Variants in EML5 observed in about 807,000 individuals in gnomAD.
The protein encoded by EML5 is EMAP like 5, also known as echinoderm microtubule-associated protein-like 5.
In EML5, 120 loss-of-function variants were observed where a neutral mutation model predicts 250.0. The ratio of observed to expected loss-of-function variants is 0.48; its 90% CI spans 0.41 to 0.56. The LOEUF is 0.56. Among genes scored for constraint, EML5 ranks in the 20% least tolerant of loss-of-function variants. The probability of loss-of-function intolerance (pLI) is 0.00; values close to 1 mark genes in which losing one functional copy is unlikely to be tolerated. For synonymous variants in EML5, 771 were observed against 806.5 expected (o/e 0.96, Z 0.75); for missense variants, 2,006 against 2,437.6 (o/e 0.82, Z 3.73).
Position 88,660,282 on chromosome 14 carries a change from T to TAA in EML5, c.3675+1370_3675+1371dup, listed in dbSNP as rs35634830. On this transcript the variant is annotated intron_variant, in intron 25 of 43. Coordinates refer to ENST00000554922, the MANE Select transcript of EML5 (RefSeq NM_183387.3). Reference sequence around the variant, plus strand: ...TGGGTCACAGAGAGAGACGCTGTCTTAAAAAAAAAAAAAAAAGAAAGGAAT... The same window carrying TAA: ...TGGGTCACAGAGAGAGACGCTGTCTTAAAAAAAAAAAAAAAAAAGAAAGGAAT... 9.0e-3 allele frequency among the ~76,000 whole-genome samples: 1,204 copies of TAA among 133,874 alleles called. 18 individuals carry two copies. The highest frequency in any genetic ancestry group is 0.03 in the African/African-American group (1,094 of 36,198). The allele number at this position is 133,874 out of a possible 152,430, so 87.8% of individuals were successfully genotyped here.
chr14:88,630,664 G>C (rs765067872), intron 33 of EML5, among the ~76,000 whole-genome samples: 2 of 152,124 alleles, frequency 1.3e-5, no homozygotes, highest in African/African-American at 2.4e-5. Context: ...TTCTCAGTTC[G>C]CAGTTTGCTT....
At chr14:88,736,855 A>G (rs1005636454) in intron 6 of EML5, among the ~76,000 whole-genome samples, 1 of 151,716 alleles carries the variant, frequency 6.6e-6, no homozygotes, top group Non-Finnish European at 1.5e-5. Context: ...CCCATCTTTG[A>G]GGGGTGCTTT....
intron 32 of EML5, among the ~76,000 whole-genome samples, chr14:88,634,833 G>A (rs971276198): frequency 3.9e-5 from 6 of 152,110 alleles, no homozygotes; most frequent in Non-Finnish European, 8.8e-5. Flanking sequence ...TAGACTCTCT[G>A]GAGTTTTAAT....
intron 28 of EML5, 52 bp from the exon 29 acceptor site, chr14:88,647,007 GA>G: frequency 6.5e-7 from 1 of 1,535,278 alleles, no homozygotes; most frequent in African/African-American, 1.4e-5. Context: ...AATTTGAATT[GA>G]AAACACTAGT....
At chr14:88,674,009 C>A (rs1454897967) in intron 21 of EML5, among the ~76,000 whole-genome samples, 1 of 152,158 alleles carries the variant, frequency 6.6e-6, no homozygotes, top group African/African-American at 2.4e-5. Flanking sequence ...TGGCTGACAC[C>A]TGTAATCCCA....
chr14:88,723,734 A>G (rs1379260016), intron 8 of EML5, among the ~76,000 whole-genome samples: 2 of 152,302 alleles, frequency 1.3e-5, no homozygotes, highest in Non-Finnish European at 2.9e-5. Context: ...TTATTTGTCA[A>G]TCATGCCTTA....
At chr14:88,660,578 T>C (rs916789653) in intron 25 of EML5, among the ~76,000 whole-genome samples, 1 of 151,360 alleles carries the variant, frequency 6.6e-6, no homozygotes, top group Non-Finnish European at 1.5e-5. Flanking sequence ...CTATCTCTAC[T>C]AAAAATACAA....
At position 88,651,162 on chromosome 14, in the gene EML5, T is replaced by C. The variant is rs868772398; in HGVS notation, c.4005-1236A>G. The stretch of plus-strand genomic sequence containing the variant: ...TTCTGCCTTGTCATTTTCTTTTTTT[T>C]TTTTTTTTTTTTTTTAAGGCAAAGA... On this transcript the variant is annotated intron_variant, in intron 27 of 43. Coordinates refer to ENST00000554922, the MANE Select transcript of EML5 (RefSeq NM_183387.3). Among the ~76,000 whole-genome samples, 84 of 145,114 alleles carry C rather than the reference T, an allele frequency of 5.8e-4. 1 individual carries two copies. In the South Asian group the frequency reaches 9.2e-3, roughly 16 times the overall value.
intron 24 of EML5, 143 bp from the exon 25 acceptor site, chr14:88,661,973 G>C (rs371256970): frequency 1.2e-6 from 1 of 811,250 alleles, no homozygotes; most frequent in Non-Finnish European, 1.9e-6. Context: ...ATTATTAGTT[G>C]TCTTGGTTTT....
chr14:88,748,191 A>G (rs2094036515), intron 2 of EML5, among the ~76,000 whole-genome samples: 1 of 152,210 alleles, frequency 6.6e-6, no homozygotes, highest in South Asian at 2.1e-4. Context: ...TATCTATAGT[A>G]AGATTTGAGA....
At chr14:88,774,713 T>C (rs573604774) in intron 1 of EML5, among the ~76,000 whole-genome samples, 2 of 152,326 alleles carry the variant, frequency 1.3e-5, no homozygotes, top group East Asian at 1.9e-4. Context: ...CATTAAAATG[T>C]TGGAGTGCCA....
chr14:88,680,122 T>C (rs549940323), intron 21 of EML5, among the ~76,000 whole-genome samples: 17 of 152,328 alleles, frequency 1.1e-4, no homozygotes, highest in African/African-American at 4.1e-4. Flanking sequence ...TATTATGATT[T>C]TGTCTTTTTG....
intron 1 of EML5, among the ~76,000 whole-genome samples, chr14:88,757,780 C>A (rs1048933925): frequency 6.6e-6 from 1 of 151,172 alleles, no homozygotes; most frequent in Non-Finnish European, 1.5e-5. Context: ...TTCTTTTTTT[C>A]TTTCTCTTTC....
At chr14:88,727,624 C>T (rs2093687516) in intron 7 of EML5, among the ~76,000 whole-genome samples, 1 of 152,080 alleles carries the variant, frequency 6.6e-6, no homozygotes, top group Non-Finnish European at 1.5e-5. Flanking sequence ...TCTCAAACTC[C>T]CAACCTCTGG....
chr14:88,737,706 T>C (rs2093865314), intron 6 of EML5, among the ~76,000 whole-genome samples: 2 of 152,238 alleles, frequency 1.3e-5, no homozygotes, highest in Admixed American at 1.3e-4. Flanking sequence ...GTTTTCTACA[T>C]GAAATATTTG....
At chr14:88,657,644 A>G (rs2091920410) in intron 26 of EML5, 142 bp from the exon 27 acceptor site, 1 of 702,152 alleles carries the variant, frequency 1.4e-6, no homozygotes, top group Non-Finnish European at 2.1e-6. Flanking sequence ...CAACCAGAAA[A>G]AACGATGTAG....
Position 88,627,027 on chromosome 14 carries a change from T to C in EML5, c.4551A>G (p.Arg1517=). The C allele has an allele frequency of 1.2e-6, 2 of 1,613,812 alleles. No individual in the cohort carries two copies. Among genetic ancestry groups the C allele is most frequent in the Non-Finnish European group, 1.7e-6 (2 of 1,179,834 alleles). ...CAAAAATACGTTGATTGTGACCAGC[T>C]CTGCTGGCAATTTTGGCACCTGACA... ...RWQEGAKIAS[R]AGHNQRIFVA... Residue 1517 remains arginine (R), a synonymous_variant, in exon 35 of 44, where the codon AGA becomes AGG. Transcript: ENST00000554922.
intron 37 of EML5, chr14:88,621,972 A>T: frequency 2.3e-6 from 1 of 436,118 alleles, no homozygotes; most frequent in Non-Finnish European, 4.6e-6. Context: ...ACTAAAACAT[A>T]CTATTCCTAT....
At chr14:88,723,930 A>G (rs566042936) in intron 8 of EML5, among the ~76,000 whole-genome samples, 2 of 152,068 alleles carry the variant, frequency 1.3e-5, no homozygotes, top group South Asian at 4.2e-4. Context: ...AATTCATTCT[A>G]TTTTCTTCCA....
Sources: gnomAD v4.1 joint callset for allele counts (sites outside exome capture counted in the v4.1 genomes callset) on GRCh38, gnomAD v4.1.1 for gene constraint, MANE v1.5 for transcripts, NCBI Gene and HGNC (gene_info 2026-07-23, HGNC 2026-07-21) for gene names.